The following SGCZ variants were observed in gnomAD, a reference collection of about 807,000 sequenced individuals.
The protein encoded by SGCZ is sarcoglycan zeta, also known as zeta-sarcoglycan.
Under a neutral mutation model 41.3 loss-of-function variants are expected in SGCZ, and 40 were observed. The observed-to-expected ratio is 0.97, with a 90% CI of 0.75 to 1.26. SGCZ has a LOEUF of 1.26. SGCZ is among the 50% of genes most tolerant of loss of function. The pLI, the probability that SGCZ is intolerant of heterozygous loss-of-function variation, is 0.00. For synonymous variants in SGCZ, 206 were observed against 137.5 expected, an observed-to-expected ratio of 1.50 and a Z score of -3.49; for missense variants, 552 against 369.8, an observed-to-expected ratio of 1.49 and a Z score of -4.04.
chr8:14,837,826 G>A (rs907485058), intron 1 of SGCZ, among the ~76,000 whole-genome samples: 6 of 151,798 alleles, frequency 4.0e-5, no homozygotes, highest in Admixed American at 6.6e-5. Flanking sequence ...ATATATTTAG[G>A]GAGTGCATGT....
At chr8:15,093,801 C>T (rs948119272) in intron 1 of SGCZ, among the ~76,000 whole-genome samples, 4 of 152,176 alleles carry the variant, frequency 2.6e-5, no homozygotes, top group African/African-American at 9.7e-5. Context: ...TCCAGCAACC[C>T]ACACAATAAT....
intron 2 of SGCZ, among the ~76,000 whole-genome samples, chr8:14,470,593 G>T (rs1236926251): frequency 6.6e-6 from 1 of 152,000 alleles, no homozygotes; most frequent in Admixed American, 6.6e-5. Context: ...TTTAGGAAAT[G>T]ATTTTTATCC....
intron 1 of SGCZ, among the ~76,000 whole-genome samples, chr8:14,679,811 G>T (rs1240354335): frequency 6.6e-6 from 1 of 151,820 alleles, no homozygotes; most frequent in African/African-American, 2.4e-5. Context: ...AGACCTGCAA[G>T]CTCCTTTCAT....
intron 2 of SGCZ, among the ~76,000 whole-genome samples, chr8:14,509,049 A>T (rs769244255): frequency 5.3e-5 from 8 of 152,154 alleles, no homozygotes; most frequent in Admixed American, 1.3e-4. Context: ...ACATTTGTTC[A>T]CTCTCATTAG....
chr8:14,166,614 C>T (rs1397698263), intron 4 of SGCZ, among the ~76,000 whole-genome samples: 1 of 152,106 alleles, frequency 6.6e-6, no homozygotes, highest in Non-Finnish European at 1.5e-5. Context: ...ATAATTGATT[C>T]TCAAAATATA....
At chr8:14,191,303 G>T (rs1447915742) in intron 4 of SGCZ, among the ~76,000 whole-genome samples, 1 of 151,932 alleles carries the variant, frequency 6.6e-6, no homozygotes, top group African/African-American at 2.4e-5. Flanking sequence ...TCATTTTGTT[G>T]ATTATTTCCT....
At chr8:14,138,357 G>C (rs1218134466) in intron 5 of SGCZ, among the ~76,000 whole-genome samples, 1 of 151,974 alleles carries the variant, frequency 6.6e-6, no homozygotes, top group African/African-American at 2.4e-5. Context: ...AATGTAAATG[G>C]GCTAAATGCC....
intron 4 of SGCZ, among the ~76,000 whole-genome samples, chr8:14,210,215 C>T (rs567853194): frequency 3.0e-4 from 46 of 151,960 alleles, no homozygotes; most frequent in African/African-American, 1.0e-3. Context: ...ACACTACTAC[C>T]GTCTAGCTAA....
At chr8:14,919,726 T>G (rs2130789183) in intron 1 of SGCZ, among the ~76,000 whole-genome samples, 1 of 152,242 alleles carries the variant, frequency 6.6e-6, no homozygotes, top group African/African-American at 2.4e-5. Context: ...GAGACCAAAC[T>G]GGCCAACATG....
At chr8:14,942,602 TTC>T (rs1221836985) in intron 1 of SGCZ, among the ~76,000 whole-genome samples, 1 of 152,166 alleles carries the variant, frequency 6.6e-6, no homozygotes, top group East Asian at 1.9e-4. Flanking sequence ...AAAAAACGAC[TTC>T]TGTTTGGCAG....
intron 2 of SGCZ, among the ~76,000 whole-genome samples, chr8:14,360,789 A>T (rs1803483324): frequency 6.6e-6 from 1 of 152,162 alleles, no homozygotes; most frequent in Non-Finnish European, 1.5e-5. Flanking sequence ...CTGTGGGAAC[A>T]TTATTTATTA....
chr8:14,169,234 T>A (rs1200386263), intron 4 of SGCZ, among the ~76,000 whole-genome samples: 1 of 152,132 alleles, frequency 6.6e-6, no homozygotes, highest in Non-Finnish European at 1.5e-5. Context: ...AAAAATAAAT[T>A]TCTGAAGAAT....
chr8:14,360,772 AG>A (rs1485075754), intron 2 of SGCZ, among the ~76,000 whole-genome samples: 1 of 152,172 alleles, frequency 6.6e-6, no homozygotes, highest in African/African-American at 2.4e-5. Flanking sequence ...ATTCACGTTC[AG>A]GTTTCCTGTG....
chr8:15,125,266 G>A (rs1807638274), intron 1 of SGCZ, among the ~76,000 whole-genome samples: 1 of 152,108 alleles, frequency 6.6e-6, no homozygotes. Context: ...TTTGTTACAA[G>A]ATTCTCAAAG....
At chr8:14,266,765 T>C (rs987248963) in intron 3 of SGCZ, among the ~76,000 whole-genome samples, 32 of 152,178 alleles carry the variant, frequency 2.1e-4, no homozygotes, top group African/African-American at 6.5e-4. Context: ...AAATCCACAA[T>C]GCCTAAGTAG....
At chr8:14,306,155 A>G (rs1299845185) in intron 3 of SGCZ, among the ~76,000 whole-genome samples, 1 of 152,224 alleles carries the variant, frequency 6.6e-6, no homozygotes, top group African/African-American at 2.4e-5. Flanking sequence ...ATCCATCATT[A>G]CATATAACTT....
chr8:14,583,415 A>G (rs980921187), intron 1 of SGCZ, among the ~76,000 whole-genome samples: 3 of 152,186 alleles, frequency 2.0e-5, no homozygotes, highest in Non-Finnish European at 2.9e-5. Context: ...GCCCTTTGTC[A>G]GATGAGTAGG....
chr8:14,685,082 T>A (rs116175565), intron 1 of SGCZ, among the ~76,000 whole-genome samples: 145 of 95,740 alleles, frequency 1.5e-3, no homozygotes, highest in African/African-American at 5.8e-3. Flanking sequence ...TACCATGAGA[T>A]TCATTTAGAA....
intron 1 of SGCZ, among the ~76,000 whole-genome samples, chr8:15,151,762 C>T (rs1799186140): frequency 6.6e-6 from 1 of 152,098 alleles, no homozygotes; most frequent in Non-Finnish European, 1.5e-5. Flanking sequence ...GACTTAAGCA[C>T]TGAATAAATA....
Sources: allele counts gnomAD v4.1 joint callset (sites outside exome capture counted in the v4.1 genomes callset), GRCh38; gene constraint gnomAD v4.1.1; transcripts MANE v1.5; gene names NCBI Gene and HGNC (gene_info 2026-07-23, HGNC 2026-07-21).